Variants in PTPRD observed in about 807,000 individuals in gnomAD.
PTPRD encodes the protein receptor-type tyrosine-protein phosphatase delta.
Under a neutral mutation model 214.5 loss-of-function variants are expected in PTPRD, and 34 were observed. That is an observed-to-expected ratio of 0.16 (90% CI 0.12 to 0.21). PTPRD has a LOEUF of 0.21. Among genes scored for constraint, PTPRD ranks in the 10% least tolerant of loss-of-function variants. The probability of loss-of-function intolerance (pLI) is 1.00; values close to 1 mark genes in which losing one functional copy is unlikely to be tolerated. For missense variants in PTPRD, 2,545 were observed against 2,398.7 expected (o/e 1.06, Z -1.27); for synonymous variants, 1,128 against 845.7 (o/e 1.33, Z -5.79).
chr9:9,809,024 G>T (rs10978000), intron 5 of PTPRD, among the ~76,000 whole-genome samples: 18,699 of 149,708 alleles, frequency 0.12, 2,567 homozygotes, highest in East Asian at 0.74. Context: ...AGCCTCAACT[G>T]GCCCTCCCAC....
chr9:9,936,532 C>A (rs1322178740), intron 5 of PTPRD, among the ~76,000 whole-genome samples: 2 of 145,766 alleles, frequency 1.4e-5, no homozygotes, highest in African/African-American at 5.3e-5. Flanking sequence ...GAGATACAAT[C>A]TCACACCAGT....
rs141050741 is a variant in PTPRD, at chr9:9,113,239, T to A, written c.-143+70065A>T. Among the ~76,000 whole-genome samples the A allele has an allele frequency of 9.3e-3, 1,417 of 152,046 alleles. 8 individuals carry two copies. Among genetic ancestry groups the A allele is most frequent in the Middle Eastern group, 0.027 (8 of 292 alleles). ...ATCCTTCTGCTTCAGCCCCCCGAGG[T>A]GCTACAATTACAAGTGTGAGCCACC... is the stretch of plus-strand genomic sequence containing the variant. On this transcript the variant is annotated intron_variant, in intron 10 of 45. Coordinates refer to ENST00000381196, the MANE Select transcript of PTPRD (RefSeq NM_002839.4).
intron 11 of PTPRD, among the ~76,000 whole-genome samples, chr9:8,977,093 T>C (rs956793958): frequency 6.6e-5 from 10 of 152,098 alleles, no homozygotes; most frequent in Non-Finnish European, 1.5e-4. Context: ...CCATCAATGA[T>C]CAGTTACCAA....
intron 30 of PTPRD, among the ~76,000 whole-genome samples, chr9:8,482,615 A>G (rs1186474805): frequency 6.6e-6 from 1 of 152,230 alleles, no homozygotes; most frequent in Non-Finnish European, 1.5e-5. Flanking sequence ...AATATTTCCT[A>G]AAATGGAATT....
In PTPRD at chr9:9,761,833, C is replaced by A. The variant is rs1304210641; in HGVS notation, c.-326+4977G>T. ...GAACAGAATTAGTCCCAATTGCCTA[C>A]ATCAAAATCTGCGAATTATTCCATG... is the stretch of plus-strand genomic sequence containing the variant. On this transcript the variant is annotated intron_variant, in intron 6 of 45. Transcript: ENST00000381196. Among the ~76,000 whole-genome samples the A allele has an allele frequency of 5.3e-5, 8 of 152,192 alleles. 1 individual carries two copies. The highest frequency in any genetic ancestry group is 1.0e-4 in the Non-Finnish European group (7 of 68,034).
intron 8 of PTPRD, among the ~76,000 whole-genome samples, chr9:9,440,747 T>A (rs1224421817): frequency 6.6e-6 from 1 of 152,218 alleles, no homozygotes; most frequent in Non-Finnish European, 1.5e-5. Context: ...ACTTATCTTC[T>A]TGTGTTAAAC....
chr9:9,170,255 A>C (rs897942475), intron 10 of PTPRD, among the ~76,000 whole-genome samples: 1 of 152,176 alleles, frequency 6.6e-6, no homozygotes, highest in African/African-American at 2.4e-5. Flanking sequence ...TCTGAAACCC[A>C]TACCAAAAAT....
At chr9:10,424,460 T>C (rs867854696) in intron 2 of PTPRD, among the ~76,000 whole-genome samples, 2 of 151,888 alleles carry the variant, frequency 1.3e-5, no homozygotes, top group Non-Finnish European at 2.9e-5. Flanking sequence ...GAAATCTTTG[T>C]TCACCATTTG....
intron 11 of PTPRD, among the ~76,000 whole-genome samples, chr9:8,978,268 C>G (rs1408419480): frequency 6.6e-6 from 1 of 152,134 alleles, no homozygotes; most frequent in African/African-American, 2.4e-5. Flanking sequence ...GCATGGACAA[C>G]ATTCTTCATC....
intron 10 of PTPRD, among the ~76,000 whole-genome samples, chr9:9,071,197 G>C (rs892527154): frequency 6.6e-6 from 1 of 152,166 alleles, no homozygotes; most frequent in Non-Finnish European, 1.5e-5. Flanking sequence ...TGGCTTGCAT[G>C]ACCCTTTCGC....
chr9:10,498,383 T>C (rs566913409), intron 2 of PTPRD, among the ~76,000 whole-genome samples: 2 of 152,088 alleles, frequency 1.3e-5, no homozygotes, highest in East Asian at 3.9e-4. Context: ...TTTGTTTGCA[T>C]ACCAAAAAAA....
At chr9:9,075,175 G>C (rs1218640007) in intron 10 of PTPRD, among the ~76,000 whole-genome samples, 3 of 151,904 alleles carry the variant, frequency 2.0e-5, no homozygotes, top group African/African-American at 7.3e-5. Flanking sequence ...TGCATACATA[G>C]TAGGTGTATA....
intron 8 of PTPRD, among the ~76,000 whole-genome samples, chr9:9,534,561 G>A (rs1472037557): frequency 1.3e-5 from 2 of 152,002 alleles, no homozygotes; most frequent in East Asian, 1.9e-4. Flanking sequence ...AGAAACAAGT[G>A]CTCCATTTTA....
intron 7 of PTPRD, among the ~76,000 whole-genome samples, chr9:9,727,535 A>G (rs535333264): frequency 1.3e-5 from 2 of 152,166 alleles, no homozygotes; most frequent in Non-Finnish European, 2.9e-5. Context: ...AAAAGTAGAT[A>G]GTTTAACTTC....
rs2098982871 is a variant in PTPRD, at chr9:8,934,520, A to ATAAAT, written c.-104+84176_-104+84177insATTTA. The stretch of plus-strand genomic sequence containing the variant: ...ATATATATATAAATATATATATATA[A>ATAAAT]ATATATATATATATGGGAAACCATA... On this transcript the variant is annotated intron_variant, in intron 11 of 45. Transcript: ENST00000381196. Among the ~76,000 whole-genome samples, 27 of 17,060 alleles carry ATAAAT rather than the reference A, an allele frequency of 1.6e-3. 2 individuals are homozygous for ATAAAT. Among genetic ancestry groups the ATAAAT allele is most frequent in the South Asian group, 0.014 (7 of 502 alleles). 11.2% of individuals were successfully genotyped at this position (17,060 alleles called of 152,430 possible). A position where few individuals can be genotyped will look rare whatever the true frequency, so the allele number is the denominator to read the frequency against.
intron 3 of PTPRD, among the ~76,000 whole-genome samples, chr9:10,147,915 T>A (rs1173140899): frequency 6.6e-5 from 10 of 152,108 alleles, no homozygotes; most frequent in Admixed American, 5.2e-4. Flanking sequence ...AAAAGCTATA[T>A]TTGTTTTGCA....
At chr9:9,899,049 G>A (rs1371609803) in intron 5 of PTPRD, among the ~76,000 whole-genome samples, 1 of 152,046 alleles carries the variant, frequency 6.6e-6, no homozygotes, top group Non-Finnish European at 1.5e-5. Flanking sequence ...CAAAGTCACA[G>A]GACACAAGGT....
intron 2 of PTPRD, among the ~76,000 whole-genome samples, chr9:10,397,860 G>T (rs2098200538): frequency 6.6e-6 from 1 of 151,874 alleles, no homozygotes; most frequent in Non-Finnish European, 1.5e-5. Context: ...ATATAGGTTT[G>T]TGTAAGTACA....
chr9:9,063,180 A>G (rs567004538), intron 10 of PTPRD, among the ~76,000 whole-genome samples: 4 of 152,162 alleles, frequency 2.6e-5, no homozygotes, highest in Non-Finnish European at 5.9e-5. Context: ...AAATTTTCAT[A>G]AAACTCTACT....
Sources: gnomAD v4.1 joint callset for allele counts (sites outside exome capture counted in the v4.1 genomes callset) on GRCh38, gnomAD v4.1.1 for gene constraint, MANE v1.5 for transcripts, NCBI Gene and HGNC (gene_info 2026-07-23, HGNC 2026-07-21) for gene names.